STARD13: variants seen among roughly 807,000 people sequenced by gnomAD.
STARD13 encodes the protein StAR related lipid transfer domain containing 13, also known as stAR-related lipid transfer protein 13.
STARD13 carries 62 observed loss-of-function variants against 106.4 expected under a neutral mutation model. The observed-to-expected ratio is 0.58, with a 90% CI of 0.48 to 0.72. The LOEUF is 0.72. Ranked by LOEUF, STARD13 falls within the 30% of genes least tolerant of loss-of-function variation. The pLI is 0.00. For missense variants in STARD13, 1,387 were observed against 1,424.0 expected (o/e 0.97, Z 0.42); for synonymous variants, 565 against 553.0 (o/e 1.02, Z -0.31).
intron 1 of STARD13, among the ~76,000 whole-genome samples, chr13:33,270,625 G>A (rs1043626789): frequency 3.9e-5 from 6 of 152,152 alleles, no homozygotes; most frequent in Admixed American, 1.3e-4. Flanking sequence ...AAACGTGCTC[G>A]AGAACCCAGG....
chr13:33,447,738 C>T, the STARD13 span, among the ~76,000 whole-genome samples: 3 of 152,128 alleles, frequency 2.0e-5, no homozygotes, highest in Non-Finnish European at 2.9e-5. Context: ...CACAGAAGCT[C>T]AGACTGAAAA....
chr13:33,125,669 T>A (rs1260118615), intron 7 of STARD13, among the ~76,000 whole-genome samples: 1 of 152,032 alleles, frequency 6.6e-6, no homozygotes, highest in Non-Finnish European at 1.5e-5. Flanking sequence ...AAAAAAGAAT[T>A]AATAAAAGGA....
intron 1 of STARD13, among the ~76,000 whole-genome samples, chr13:33,177,123 C>T (rs956358528): frequency 6.6e-6 from 1 of 152,092 alleles, no homozygotes; most frequent in African/African-American, 2.4e-5. Flanking sequence ...AATTTAATTC[C>T]CTGGCTAGCT....
At chr13:33,211,092 C>T (rs1393459080) in intron 1 of STARD13, among the ~76,000 whole-genome samples, 1 of 151,802 alleles carries the variant, frequency 6.6e-6, no homozygotes, top group Admixed American at 6.6e-5. Context: ...AGGATCATTC[C>T]TTTTTAGTAA....
the STARD13 span, among the ~76,000 whole-genome samples, chr13:33,517,986 T>C: frequency 6.6e-6 from 1 of 151,958 alleles, no homozygotes; most frequent in Admixed American, 6.6e-5. Context: ...TGGGACTCAT[T>C]ATTTAAAAAC....
At chr13:33,221,532 T>TCCTGCTGATCATCTGAGTGGATC (rs1177129585) in intron 1 of STARD13, among the ~76,000 whole-genome samples, 19 of 152,206 alleles carry the variant, frequency 1.2e-4, no homozygotes, top group Non-Finnish European at 2.2e-4. Flanking sequence ...TGAGTTGGGT[T>TCCTGCTGATCATCTGAGTGGATC]CCTGCTGATC....
the STARD13 span, among the ~76,000 whole-genome samples, chr13:33,555,621 G>A: frequency 6.6e-6 from 1 of 152,144 alleles, no homozygotes; most frequent in African/African-American, 2.4e-5. Flanking sequence ...ATTTTTGAGA[G>A]AATGGATGGT....
chr13:33,457,692 C>T, the STARD13 span, among the ~76,000 whole-genome samples: 6 of 152,258 alleles, frequency 3.9e-5, no homozygotes, highest in South Asian at 2.1e-4. Flanking sequence ...GCCCATTTCC[C>T]GGTTTATCTT....
At chr13:33,303,875 G>T (rs1395113530) in intron 1 of STARD13, among the ~76,000 whole-genome samples, 11 of 152,184 alleles carry the variant, frequency 7.2e-5, no homozygotes, top group African/African-American at 2.7e-4. Flanking sequence ...CCCTGGGGCA[G>T]CAGGACTCTT....
intron 1 of STARD13, among the ~76,000 whole-genome samples, chr13:33,188,752 C>T (rs905530474): frequency 2.6e-5 from 4 of 152,208 alleles, no homozygotes; most frequent in Non-Finnish European, 5.9e-5. Flanking sequence ...GTGATCTAGA[C>T]TTTAATATCA....
chr13:33,554,910 A>G, the STARD13 span, among the ~76,000 whole-genome samples: 1 of 152,174 alleles, frequency 6.6e-6, no homozygotes, highest in East Asian at 1.9e-4. Flanking sequence ...CATTTTAAGC[A>G]TGCAAACTTT....
At position 33,305,350 on chromosome 13, in the gene STARD13, G is replaced by A. The variant is rs182482578; in HGVS notation, c.124+44940C>T. ...GTTAAGCAGAAGTGTTCCATATAAG[G>A]CTGGAGATAAATCTTGGATTAGGTA... On this transcript the variant is annotated intron_variant, in intron 1 of 5. Coordinates refer to the STARD13 transcript ENST00000567873. Among the ~76,000 whole-genome samples, 260 of 152,304 alleles carry A rather than the reference G, an allele frequency of 1.7e-3. 3 individuals are homozygous for A. Among genetic ancestry groups the A allele is most frequent in the African/African-American group, 6.1e-3 (254 of 41,568 alleles).
At chr13:33,315,292 A>G (rs1893286472) in intron 1 of STARD13, among the ~76,000 whole-genome samples, 1 of 152,190 alleles carries the variant, frequency 6.6e-6, no homozygotes, top group Non-Finnish European at 1.5e-5. Context: ...AATTCATCAA[A>G]TCCTTCCACT....
the STARD13 span, among the ~76,000 whole-genome samples, chr13:33,454,702 T>C: frequency 2.0e-5 from 3 of 152,202 alleles, no homozygotes; most frequent in African/African-American, 4.8e-5. Context: ...AGAGCTCCTG[T>C]TGAAAAGTTC....
At chr13:33,484,970 A>G in the STARD13 span, among the ~76,000 whole-genome samples, 1 of 152,208 alleles carries the variant, frequency 6.6e-6, no homozygotes, top group African/African-American at 2.4e-5. Context: ...ATAACCTTTA[A>G]CACTACCAGC....
the STARD13 span, among the ~76,000 whole-genome samples, chr13:33,493,927 A>G: frequency 6.6e-6 from 1 of 152,014 alleles, no homozygotes. Flanking sequence ...TGCCAGGTTA[A>G]TGACATTTCT....
At chr13:33,617,790 C>T in the STARD13 span, among the ~76,000 whole-genome samples, 1 of 152,124 alleles carries the variant, frequency 6.6e-6, no homozygotes, top group Non-Finnish European at 1.5e-5. Flanking sequence ...CGAAGAGCCC[C>T]CATGAAATTC....
chr13:33,428,205 A>T, the STARD13 span, among the ~76,000 whole-genome samples: 1 of 152,184 alleles, frequency 6.6e-6, no homozygotes, highest in East Asian at 1.9e-4. Context: ...TAAATGTAAG[A>T]CCCAAAACAA....
chr13:33,517,293 C>G, the STARD13 span, among the ~76,000 whole-genome samples: 2 of 152,108 alleles, frequency 1.3e-5, no homozygotes, highest in Non-Finnish European at 1.5e-5. Flanking sequence ...TTGCCTACCT[C>G]TACCTCAACC....
Sources: gnomAD v4.1 joint callset for allele counts (sites outside exome capture counted in the v4.1 genomes callset) on GRCh38, gnomAD v4.1.1 for gene constraint, MANE v1.5 for transcripts, NCBI Gene and HGNC (gene_info 2026-07-23, HGNC 2026-07-21) for gene names.